Variants in PTPN4 observed in about 807,000 individuals in gnomAD.
PTPN4 encodes the protein tyrosine-protein phosphatase non-receptor type 4.
A neutral mutation model predicts 135.5 loss-of-function variants in PTPN4; 49 were observed. The observed-to-expected ratio is 0.36, with a 90% CI of 0.29 to 0.46. The LOEUF (loss-of-function observed/expected upper bound fraction) is 0.46, where lower values mean the gene tolerates loss of function less well. Among genes scored for constraint, PTPN4 ranks in the 20% least tolerant of loss-of-function variants. PTPN4 has a pLI of 1.00. For missense variants in PTPN4, 860 were observed against 1,101.0 expected (o/e 0.78, Z 3.10); for synonymous variants, 333 against 369.9 (o/e 0.90, Z 1.14).
chr2:119,969,372 T>C (rs971864269), intron 26 of PTPN4, among the ~76,000 whole-genome samples: 36 of 152,108 alleles, frequency 2.4e-4, no homozygotes, highest in African/African-American at 8.2e-4. Flanking sequence ...ATGTTTATAC[T>C]CAGATCCCAC....
At chr2:119,844,372 C>T (rs1260426059) in intron 2 of PTPN4, among the ~76,000 whole-genome samples, 3 of 138,350 alleles carry the variant, frequency 2.2e-5, no homozygotes, top group African/African-American at 8.2e-5. Flanking sequence ...ACCTCCCTCC[C>T]GGACGGGGTG....
At chr2:119,964,639 T>G (rs1249936670) in intron 24 of PTPN4, among the ~76,000 whole-genome samples, 2 of 152,216 alleles carry the variant, frequency 1.3e-5, no homozygotes, top group African/African-American at 2.4e-5. Context: ...TACTTGATTA[T>G]CATCTTTAAA....
intron 1 of PTPN4, among the ~76,000 whole-genome samples, chr2:119,804,996 T>C (rs546549108): frequency 1.3e-5 from 2 of 149,936 alleles, no homozygotes; most frequent in South Asian, 4.3e-4. Context: ...TGGTATCTCA[T>C]TGTGGTTTTG....
At chr2:119,917,687 C>T (rs1256938296) in intron 11 of PTPN4, among the ~76,000 whole-genome samples, 1 of 151,958 alleles carries the variant, frequency 6.6e-6, no homozygotes, top group Non-Finnish European at 1.5e-5. Context: ...CAATATCGCA[C>T]CACTGTACTC....
chr2:119,882,124 C>A lies in PTPN4; in HGVS notation c.441C>A (p.Ala147=). 6.2e-7 allele frequency: 1 copy of A among 1,609,954 alleles called. No individual in the cohort carries two copies. ...TACCCTGTCCTTCTAATACTGCTGC[C>A]CTTTTAGCTTCATTTGCTGTTCAGT... The part of the protein sequence containing the change: ...GRLPCPSNTA[A]LLASFAVQSE... Residue 147 remains alanine, a synonymous_variant, in exon 7 of 27, where the codon GCC becomes GCA. Transcript: ENST00000263708.
intron 24 of PTPN4, 100 bp downstream of exon 24, chr2:119,962,844 C>T (rs1318653362): frequency 4.9e-6 from 5 of 1,024,108 alleles, no homozygotes; most frequent in Non-Finnish European, 6.6e-6. Context: ...CTAGGAAATA[C>T]TATAAGAATT....
intron 1 of PTPN4, among the ~76,000 whole-genome samples, chr2:119,783,761 A>T (rs1229066306): frequency 6.6e-6 from 1 of 152,214 alleles, no homozygotes; most frequent in Non-Finnish European, 1.5e-5. Flanking sequence ...AGAATGTGAG[A>T]TGTTTAAGTT....
intron 22 of PTPN4, among the ~76,000 whole-genome samples, chr2:119,959,146 G>T (rs998875229): frequency 2.0e-5 from 3 of 151,780 alleles, no homozygotes; most frequent in African/African-American, 7.3e-5. Flanking sequence ...CAGCTGTTTT[G>T]AGGGTTATGA....
At chr2:119,782,187 C>T (rs370992056) in intron 1 of PTPN4, among the ~76,000 whole-genome samples, 4 of 152,208 alleles carry the variant, frequency 2.6e-5, no homozygotes, top group South Asian at 2.1e-4. Flanking sequence ...GAGGCCAAAG[C>T]GGGCAGATCA....
At chr2:119,961,162 T>C (rs1679359555) in intron 23 of PTPN4, among the ~76,000 whole-genome samples, 1 of 152,214 alleles carries the variant, frequency 6.6e-6, no homozygotes, top group African/African-American at 2.4e-5. Flanking sequence ...ATTACTGTCA[T>C]TGTTATTTAA....
intron 10 of PTPN4, among the ~76,000 whole-genome samples, chr2:119,904,522 T>C (rs1452158106): frequency 2.0e-5 from 3 of 151,736 alleles, no homozygotes; most frequent in Non-Finnish European, 4.4e-5. Flanking sequence ...TTGCAAGACG[T>C]AGAGACGTTA....
chr2:119,881,726 T>A (rs1375378786), intron 5 of PTPN4, 60 bp from the exon 6 acceptor site: 1 of 1,211,344 alleles, frequency 8.3e-7, no homozygotes, highest in Non-Finnish European at 1.2e-6. Flanking sequence ...TACAGTTTCT[T>A]AGAATTGAAA....
intron 2 of PTPN4, among the ~76,000 whole-genome samples, chr2:119,854,059 G>A (rs899979597): frequency 3.9e-5 from 6 of 152,244 alleles, no homozygotes; most frequent in East Asian, 3.9e-4. Context: ...TGGAGGAGGC[G>A]GTGTCTGATT....
intron 3 of PTPN4, among the ~76,000 whole-genome samples, chr2:119,873,158 A>G (rs1677937446): frequency 6.7e-6 from 1 of 149,400 alleles, no homozygotes; most frequent in African/African-American, 2.5e-5. Context: ...CATCTGGCTA[A>G]TTTTTTCTGG....
chr2:119,915,176 C>A lies in PTPN4; in HGVS notation c.765-3C>A. 6.6e-7 allele frequency: 1 copy of A among 1,515,240 alleles called. No homozygotes were observed. The highest frequency in any genetic ancestry group is 1.3e-5 in the South Asian group (1 of 76,904). The allele number at this position is 1,515,240 out of a possible 1,614,324, so 93.9% of individuals were successfully genotyped here. On this transcript the variant is annotated splice_polypyrimidine_tract_variant and splice_region_variant and intron_variant, in intron 10 of 26. Transcript: ENST00000263708. ...TTTGAATAATTTATTGTCTTTTGTC[C>A]AGGTTGAAGATTGTAAAAATTTCTT...
intron 8 of PTPN4, among the ~76,000 whole-genome samples, chr2:119,884,527 C>G (rs1025064994): frequency 3.3e-5 from 5 of 152,082 alleles, no homozygotes; most frequent in Non-Finnish European, 7.4e-5. Context: ...AATGGACTAC[C>G]TAATGTGGTG....
At chr2:119,769,010 A>G (rs564354788) in intron 1 of PTPN4, among the ~76,000 whole-genome samples, 1 of 152,318 alleles carries the variant, frequency 6.6e-6, no homozygotes, top group South Asian at 2.1e-4. Flanking sequence ...GTGGAATCCA[A>G]AGTGGCAGGA....
chr2:119,777,067 A>G (rs1413471598), intron 1 of PTPN4, among the ~76,000 whole-genome samples: 1 of 152,228 alleles, frequency 6.6e-6, no homozygotes, highest in African/African-American at 2.4e-5. Flanking sequence ...AAAAAGCCCT[A>G]CATGGTCTGT....
intron 9 of PTPN4, among the ~76,000 whole-genome samples, chr2:119,895,148 G>C (rs1156387394): frequency 6.6e-6 from 1 of 152,086 alleles, no homozygotes; most frequent in Non-Finnish European, 1.5e-5. Context: ...GGGAGTCTTT[G>C]ACTTCTTATT....
Sources: allele counts gnomAD v4.1 joint callset (sites outside exome capture counted in the v4.1 genomes callset), GRCh38; gene constraint gnomAD v4.1.1; transcripts MANE v1.5; gene names NCBI Gene and HGNC (gene_info 2026-07-23, HGNC 2026-07-21).